Variants in TRAK2 observed in about 807,000 individuals in gnomAD.
The protein encoded by TRAK2 is trafficking kinesin protein 2.
TRAK2 carries 81 observed loss-of-function variants against 104.6 expected under a neutral mutation model. The ratio of observed to expected loss-of-function variants is 0.77; its 90% CI spans 0.65 to 0.93. The LOEUF (loss-of-function observed/expected upper bound fraction) is 0.93, where lower values mean the gene tolerates loss of function less well. TRAK2 is among the 40% of genes least tolerant of loss of function. The pLI is 0.00. For synonymous variants in TRAK2, 406 were observed against 394.4 expected (o/e 1.03, Z -0.35); for missense variants, 1,002 against 1,089.0 (o/e 0.92, Z 1.12).
intron 1 of TRAK2, among the ~76,000 whole-genome samples, chr2:201,445,048 T>A (rs972135847): frequency 2.0e-5 from 3 of 152,156 alleles, no homozygotes; most frequent in East Asian, 3.9e-4. Flanking sequence ...CAAATAAATA[T>A]AGATAAGCTC....
chr2:201,385,803 G>A (rs1464066391), intron 14 of TRAK2, among the ~76,000 whole-genome samples: 5 of 152,072 alleles, frequency 3.3e-5, no homozygotes, highest in South Asian at 2.1e-4. Flanking sequence ...AAAAAAATTA[G>A]CTATTTTTCA....
At position 201,377,223 on chromosome 2, in the gene TRAK2, T is replaced by G. The variant is rs1481717463; in HGVS notation, c.*3320A>C. The G allele has an allele frequency of 6.6e-6, 1 of 152,204 alleles. No homozygotes were observed. Among genetic ancestry groups the G allele is most frequent in the Non-Finnish European group, 1.5e-5 (1 of 68,048 alleles). The allele number at this position is 152,204 out of a possible 1,614,324, so 9.4% of individuals were successfully genotyped here. ...GGAGACAAATGAAAATTCAAGCTAC[T>G]CATGTTTATTAACTGATCTACATTT... On this transcript the variant is annotated 3_prime_UTR_variant, in exon 16 of 16. Transcript: ENST00000332624.
intron 1 of TRAK2, among the ~76,000 whole-genome samples, chr2:201,449,007 G>A (rs1203504344): frequency 6.6e-6 from 1 of 152,104 alleles, no homozygotes; most frequent in Non-Finnish European, 1.5e-5. Flanking sequence ...TTTATTTGCA[G>A]ACTCACAAAA....
chr2:201,429,464 C>T (rs1951821729), intron 1 of TRAK2, among the ~76,000 whole-genome samples: 1 of 152,202 alleles, frequency 6.6e-6, no homozygotes. Flanking sequence ...TGTTTTCCAA[C>T]TTGGTTCCAT....
intron 10 of TRAK2, 22 bp from the exon 11 acceptor site, chr2:201,389,902 T>C: frequency 6.3e-7 from 1 of 1,594,298 alleles, no homozygotes; most frequent in Admixed American, 1.7e-5. Flanking sequence ...AGTTTGAGAT[T>C]TCTAAAGTGA....
intron 10 of TRAK2, among the ~76,000 whole-genome samples, chr2:201,390,188 G>C (rs1951432586): frequency 6.6e-6 from 1 of 151,678 alleles, no homozygotes; most frequent in Non-Finnish European, 1.5e-5. Context: ...TGGAGGGTGA[G>C]ATTTAATGGT....
In TRAK2 at chr2:201,392,923, C is replaced by T. The variant is rs749131268; in HGVS notation, c.1099G>A (p.Gly367Arg). 117 of 1,611,660 alleles carry T rather than the reference C, an allele frequency of 7.3e-5. No homozygotes were observed. Among genetic ancestry groups the T allele is most frequent in the Non-Finnish European group, 9.5e-5 (112 of 1,179,298 alleles). The change falls in exon 10 of 16, where the codon GGA becomes AGA. Residue 367 changes from glycine (G) to arginine (R), a missense_variant. Transcript: ENST00000332624. ...TAGTTGCTTACCCCAGTAAAAGCTC[C>T]ATATGATTGGGAGAAGTAGAGATGA... ...TAHLYFSQSYGAFTGESLAAE... is the reference protein window; with the variant it reads ...TAHLYFSQSYRAFTGESLAAE...
chr2:201,380,541 C>T lies in TRAK2; in HGVS notation c.*2G>A. 3.7e-6 allele frequency: 6 copies of T among 1,612,930 alleles called. No individual in the cohort carries two copies. Among genetic ancestry groups the T allele is most frequent in the Non-Finnish European group, 5.1e-6 (6 of 1,179,346 alleles). On this transcript the variant is annotated 3_prime_UTR_variant, in exon 16 of 16. Coordinates refer to ENST00000332624, the MANE Select transcript of TRAK2 (RefSeq NM_015049.3). Reference sequence around the variant, plus strand: ...TATAAAAGGTCAGTTAACTGCTGAACCTCAGTCCTCCTTCAGGACACCCAT... The same window carrying T: ...TATAAAAGGTCAGTTAACTGCTGAATCTCAGTCCTCCTTCAGGACACCCAT...
chr2:201,422,040 ACT>A (rs1951745574), intron 1 of TRAK2, among the ~76,000 whole-genome samples: 1 of 126,490 alleles, frequency 7.9e-6, no homozygotes, highest in Non-Finnish European at 1.7e-5. Context: ...ACAGAGCAAG[ACT>A]CTGTCTCAAA....
chr2:201,446,957 C>A (rs1951969622), intron 1 of TRAK2, among the ~76,000 whole-genome samples: 1 of 152,214 alleles, frequency 6.6e-6, no homozygotes, highest in Non-Finnish European at 1.5e-5. Flanking sequence ...CTTATGTACA[C>A]CCTAAGGGTT....
intron 11 of TRAK2, 70 bp downstream of exon 11, chr2:201,389,731 C>T: frequency 7.1e-7 from 1 of 1,405,118 alleles, no homozygotes. Flanking sequence ...ATACTTGCCA[C>T]TTTGGATTGT....
chr2:201,399,413 T>C lies in TRAK2; in HGVS notation c.444A>G (p.Glu148=), dbSNP rs1363448641. 1 of 1,612,160 alleles carries C rather than the reference T, an allele frequency of 6.2e-7. No homozygotes were observed. ...CTTGTCCCAATTGCTCCTCCAGGGATTCGTTCTGCTCAGATAAGACATGGT... is the reference window on the plus strand; with the variant it reads ...CTTGTCCCAATTGCTCCTCCAGGGACTCGTTCTGCTCAGATAAGACATGGT... ...KRNHVLSEQN[E]SLEEQLGQAF... is the part of the protein sequence containing the mutation. The change falls in exon 5 of 16, where the codon GAA becomes GAG. Residue 148 remains glutamate, a synonymous_variant. Transcript: ENST00000332624.
chr2:201,440,804 T>C (rs1161187053), intron 1 of TRAK2, among the ~76,000 whole-genome samples: 1 of 152,232 alleles, frequency 6.6e-6, no homozygotes, highest in Non-Finnish European at 1.5e-5. Context: ...CAAAGTCTGA[T>C]TTTTCACACA....
At position 201,377,910 on chromosome 2, in the gene TRAK2, C is replaced by T. The variant is rs1951303285; in HGVS notation, c.*2633G>A. 6.6e-6 allele frequency: 1 copy of T among 152,156 alleles called. No individual in the cohort carries two copies. Among genetic ancestry groups the T allele is most frequent in the African/African-American group, 2.4e-5 (1 of 41,296 alleles). The allele number at this position is 152,156 out of a possible 1,614,324, so 9.4% of individuals were successfully genotyped here. A position where few individuals can be genotyped will look rare whatever the true frequency, so the allele number is the denominator to read the frequency against. On this transcript the variant is annotated 3_prime_UTR_variant, in exon 16 of 16. Transcript: ENST00000332624. ...AAAAAAAAGATTGAGGTTTCCTATA[C>T]TGGCATGAAAGTACACATACAATTT...
rs890967316 is a variant in TRAK2 at position 201,377,305 on chromosome 2, C to G, written c.*3238G>C. The G allele has an allele frequency of 6.6e-6, 1 of 152,204 alleles. No individual in the cohort carries two copies. Among genetic ancestry groups the G allele is most frequent in the East Asian group, 1.9e-4 (1 of 5,194 alleles). 9.4% of individuals were successfully genotyped at this position (152,204 alleles called of 1,614,324 possible). ...TTTGACAAAGTCAAATCCCAGGTAT[C>G]GAACAATAGTATTCCCCTGGCTGCC... On this transcript the variant is annotated 3_prime_UTR_variant, in exon 16 of 16. Transcript: ENST00000332624.
intron 2 of TRAK2, chr2:201,410,926 C>T: frequency 6.3e-7 from 1 of 1,578,492 alleles, no homozygotes; most frequent in Non-Finnish European, 8.7e-7. Flanking sequence ...ATTTTGGTCA[C>T]TCCAACTGTG....
rs199939751 is a variant in TRAK2, at chr2:201,384,126, G to A, written c.2054C>T (p.Thr685Ile). ...GCACTCTTACCTGGGGGTAACCTGA[G>A]TGATGTCAGAGGGATGTAATATTCT... ...TCRILHPSDI[T>I]QVTPSSGFPS... The change falls in exon 15 of 16, where the codon ACT (threonine) becomes ATT (isoleucine). Residue 685 changes from threonine (T) to isoleucine (I), a missense_variant. Physicochemically the swap from Thr to Ile is moderately conservative, Grantham distance 89 (BLOSUM62 -1). Coordinates refer to ENST00000332624, the MANE Select transcript of TRAK2 (RefSeq NM_015049.3). The A allele has an allele frequency of 6.2e-7, 1 of 1,612,066 alleles. No individual in the cohort carries two copies. Among genetic ancestry groups the A allele is most frequent in the South Asian group, 1.1e-5 (1 of 90,674 alleles).
chr2:201,394,343 C>CTTTTTTT (rs369969654), intron 9 of TRAK2, among the ~76,000 whole-genome samples: 24 of 126,546 alleles, frequency 1.9e-4, no homozygotes, highest in Non-Finnish European at 3.2e-4. Context: ...TATTCTTTTT[C>CTTTTTTT]TTTCTTTTTT....
At chr2:201,434,102 C>T (rs1399532474) in intron 1 of TRAK2, among the ~76,000 whole-genome samples, 3 of 152,128 alleles carry the variant, frequency 2.0e-5, no homozygotes, top group African/African-American at 4.8e-5. Flanking sequence ...GGACTACAGG[C>T]GTCCGCCACC....
Sources: allele counts gnomAD v4.1 joint callset (sites outside exome capture counted in the v4.1 genomes callset), GRCh38; gene constraint gnomAD v4.1.1; transcripts MANE v1.5; gene names NCBI Gene and HGNC (gene_info 2026-07-23, HGNC 2026-07-21).